Variants in FOXP1 observed in about 807,000 individuals in gnomAD.
FOXP1 encodes forkhead box P1.
FOXP1 carries 15 observed loss-of-function variants against 98.2 expected under a neutral mutation model. The observed-to-expected ratio is 0.15, with a 90% CI of 0.10 to 0.24. The LOEUF (loss-of-function observed/expected upper bound fraction) is 0.24, where lower values mean the gene tolerates loss of function less well. Among genes scored for constraint, FOXP1 ranks in the 10% least tolerant of loss-of-function variants. FOXP1 has a pLI of 1.00. For missense variants in FOXP1, 633 were observed against 848.5 expected (o/e 0.75, Z 3.15); for synonymous variants, 371 against 314.5 (o/e 1.18, Z -1.90).
chr3:71,537,493 G>A (rs1238997727), intron 2 of FOXP1, among the ~76,000 whole-genome samples: 1 of 152,262 alleles, frequency 6.6e-6, no homozygotes, highest in Non-Finnish European at 1.5e-5. Context: ...CAGAGGCCAA[G>A]TCGGAGAAGC....
In FOXP1 at chr3:71,101,678, C is replaced by CAA. The variant is rs75384060; in HGVS notation, c.282+10856_282+10857dup. ...AGGAAAGAAAGTGACTGGGAAAAAG[C>CAA]AAAAAAAAAAAAAAAAACACCACAA... On this transcript the variant is annotated intron_variant, in intron 7 of 20. Transcript: ENST00000649528. 9.0e-3 allele frequency among the ~76,000 whole-genome samples: 656 copies of CAA among 72,576 alleles called. 13 individuals are homozygous for CAA. The highest frequency in any genetic ancestry group is 0.022 in the African/African-American group (560 of 25,444). The allele number at this position is 72,576 out of a possible 152,430, so 47.6% of individuals were successfully genotyped here. A position where few individuals can be genotyped will look rare whatever the true frequency, so the allele number is the denominator to read the frequency against.
intron 19 of FOXP1, 87 bp downstream of exon 19, chr3:70,970,646 ATAT>A (rs2036022242): frequency 9.3e-7 from 1 of 1,077,422 alleles, no homozygotes; most frequent in South Asian, 1.2e-5. Context: ...TTAAAATTTA[ATAT>A]CTAATTAGAG....
chr3:71,240,709 T>C (rs2067195770), intron 5 of FOXP1, among the ~76,000 whole-genome samples: 3 of 151,256 alleles, frequency 2.0e-5, no homozygotes, highest in Admixed American at 2.0e-4. Flanking sequence ...GCCCGGCTAA[T>C]TTTGTTTTTG....
chr3:71,465,173 G>A (rs2088561642), intron 3 of FOXP1, among the ~76,000 whole-genome samples: 1 of 151,986 alleles, frequency 6.6e-6, no homozygotes, highest in Non-Finnish European at 1.5e-5. Context: ...TGGGCGTGGT[G>A]GCACATGTCT....
At position 70,971,235 on chromosome 3, in the gene FOXP1, T is replaced by C. The variant is rs1405170220; in HGVS notation, c.1653-430A>G. The C allele has an allele frequency of 2.2e-5, 6 of 276,354 alleles. No homozygotes were observed. In the East Asian group the frequency reaches 4.5e-4, roughly 21 times the overall value. 17.1% of individuals were successfully genotyped at this position (276,354 alleles called of 1,614,324 possible). ...CTAAGCATCTTTGAGATTTGAACTT[T>C]ACAGTGACTGCTAGAGGGATGGCAG... On this transcript the variant is annotated intron_variant, in intron 18 of 20. Coordinates refer to ENST00000649528, the MANE Select transcript of FOXP1 (RefSeq NM_001349338.3).
chr3:71,226,572 T>C (rs1212411340), intron 5 of FOXP1, among the ~76,000 whole-genome samples: 1 of 145,898 alleles, frequency 6.9e-6, no homozygotes, highest in Non-Finnish European at 1.5e-5. Context: ...CTCTCTCTCC[T>C]GTCTCTCTCC....
chr3:71,362,322 CTGT>C (rs2078627678), intron 3 of FOXP1, among the ~76,000 whole-genome samples: 1 of 152,146 alleles, frequency 6.6e-6, no homozygotes, highest in Admixed American at 6.5e-5. Flanking sequence ...CAGGTGCCCA[CTGT>C]AATGCCCAGC....
At chr3:71,387,682 T>A (rs1055459082) in intron 3 of FOXP1, among the ~76,000 whole-genome samples, 2 of 152,378 alleles carry the variant, frequency 1.3e-5, no homozygotes, top group East Asian at 3.9e-4. Flanking sequence ...GATATATGCA[T>A]GTGTGATGAT....
At chr3:71,480,688 G>C (rs1289096319) in intron 3 of FOXP1, among the ~76,000 whole-genome samples, 3 of 152,142 alleles carry the variant, frequency 2.0e-5, no homozygotes, top group Non-Finnish European at 4.4e-5. Context: ...CCTGGAGTGG[G>C]CTCAAGAAGA....
At chr3:70,973,232 C>CCCCCCGCCCCCA (rs1553663705) in intron 17 of FOXP1, among the ~76,000 whole-genome samples, 1 of 143,244 alleles carries the variant, frequency 7.0e-6, no homozygotes, top group Non-Finnish European at 1.5e-5. Context: ...GGTGAACGGA[C>CCCCCCGCCCCCA]CCCCCGCCCC....
At chr3:71,186,467 C>T (rs912509789) in intron 6 of FOXP1, among the ~76,000 whole-genome samples, 5 of 152,250 alleles carry the variant, frequency 3.3e-5, no homozygotes, top group African/African-American at 1.2e-4. Flanking sequence ...AATCCCAGCA[C>T]TTTGGGAAGC....
At chr3:71,467,072 C>T (rs577888554) in intron 3 of FOXP1, among the ~76,000 whole-genome samples, 2 of 152,214 alleles carry the variant, frequency 1.3e-5, no homozygotes, top group African/African-American at 4.8e-5. Context: ...TTGGGCACCA[C>T]AGATGTTGCG....
intron 4 of FOXP1, among the ~76,000 whole-genome samples, chr3:71,357,506 A>C (rs2078245077): frequency 6.6e-6 from 1 of 152,244 alleles, no homozygotes; most frequent in Admixed American, 6.5e-5. Context: ...AGTAACCATA[A>C]TGGTTGCTCA....
At chr3:71,247,545 A>C (rs1035396818) in intron 5 of FOXP1, among the ~76,000 whole-genome samples, 2 of 152,174 alleles carry the variant, frequency 1.3e-5, no homozygotes, top group African/African-American at 4.8e-5. Flanking sequence ...AATCAGGCCG[A>C]GGGCCTGCGA....
intron 5 of FOXP1, among the ~76,000 whole-genome samples, chr3:71,215,900 A>T (rs2064876417): frequency 6.6e-6 from 1 of 152,224 alleles, no homozygotes; most frequent in Non-Finnish European, 1.5e-5. Context: ...AAAGCCTCGA[A>T]ATCTAAAGAA....
At chr3:70,961,223 C>G (rs186246430) in intron 20 of FOXP1, among the ~76,000 whole-genome samples, 157 of 151,590 alleles carry the variant, frequency 1.0e-3, no homozygotes, top group Non-Finnish European at 1.7e-3. Context: ...GGCTCTCCAG[C>G]TATTTTATTT....
Position 71,331,440 on chromosome 3 carries a change from C to T in FOXP1, c.-73+27710G>A, listed in dbSNP as rs938281675. On this transcript the variant is annotated intron_variant, in intron 4 of 20. Transcript: ENST00000649528. Reference sequence around the variant, plus strand: ...CCGACAAGCGCCGCTCCCTGCTCCACGGCACCCAGTCCCATCGACCGCCCA... The same window carrying T: ...CCGACAAGCGCCGCTCCCTGCTCCATGGCACCCAGTCCCATCGACCGCCCA... Among the ~76,000 whole-genome samples the T allele has an allele frequency of 5.4e-4, 82 of 150,624 alleles. 2 individuals are homozygous for T. The highest frequency in any genetic ancestry group is 5.1e-3 in the Admixed American group (77 of 15,232).
At chr3:71,246,880 C>T (rs762749378) in intron 5 of FOXP1, among the ~76,000 whole-genome samples, 4 of 152,138 alleles carry the variant, frequency 2.6e-5, no homozygotes, top group Admixed American at 6.5e-5. Context: ...TTTATGTATA[C>T]GCTCAAATAA....
intron 7 of FOXP1, among the ~76,000 whole-genome samples, chr3:71,102,579 C>T (rs2057061113): frequency 1.3e-5 from 2 of 152,350 alleles, no homozygotes; most frequent in Middle Eastern, 6.8e-3. Flanking sequence ...TGTCTGCAGG[C>T]TTTGAGTAAT....
Sources: gnomAD v4.1 joint callset for allele counts (sites outside exome capture counted in the v4.1 genomes callset) on GRCh38, gnomAD v4.1.1 for gene constraint, MANE v1.5 for transcripts, NCBI Gene and HGNC (gene_info 2026-07-23, HGNC 2026-07-21) for gene names.